The following PREP variants were observed in gnomAD, a reference collection of about 807,000 sequenced individuals.
PREP encodes prolyl endopeptidase, also known as dJ355L5.1 (prolyl endopeptidase).
Under a neutral mutation model 87.6 loss-of-function variants are expected in PREP, and 29 were observed. The ratio of observed to expected loss-of-function variants is 0.33; its 90% CI spans 0.25 to 0.45. PREP has a LOEUF of 0.45. Ranked by LOEUF, PREP falls within the 20% of genes least tolerant of loss-of-function variation. PREP has a pLI of 1.00. For missense variants in PREP, 695 were observed against 886.5 expected (o/e 0.78, Z 2.74); for synonymous variants, 337 against 328.6 (o/e 1.03, Z -0.28).
chr6:105,285,389 TGCTCCAAACCCCTTCA>T, intron 12 of PREP, 81 bp downstream of exon 12: 1 of 1,245,212 alleles, frequency 8.0e-7, no homozygotes, highest in Non-Finnish European at 1.1e-6. Context: ...AAAGCTTTCC[TGCTCCAAACCCCTTCA>T]GCTCATTCAA....
chr6:105,389,957 A>G (rs1773097655), intron 2 of PREP, among the ~76,000 whole-genome samples: 1 of 152,208 alleles, frequency 6.6e-6, no homozygotes, highest in Non-Finnish European at 1.5e-5. Context: ...GGCACCTGGG[A>G]AAGCAGACGT....
chr6:105,346,474 A>C (rs1186906395), intron 7 of PREP, among the ~76,000 whole-genome samples: 1 of 152,266 alleles, frequency 6.6e-6, no homozygotes, highest in Non-Finnish European at 1.5e-5. Flanking sequence ...CTTAAAATAA[A>C]AATATGGTAG....
chr6:105,384,745 C>T (rs556145554), intron 2 of PREP, among the ~76,000 whole-genome samples: 2 of 152,288 alleles, frequency 1.3e-5, no homozygotes, highest in East Asian at 3.9e-4. Context: ...CAACTTAAGA[C>T]ACTTGGGGCT....
intron 10 of PREP, among the ~76,000 whole-genome samples, chr6:105,304,510 A>G (rs1770612569): frequency 6.6e-6 from 1 of 152,180 alleles, no homozygotes; most frequent in South Asian, 2.1e-4. Context: ...CACTGTAAAA[A>G]GGAAATCAGC....
chr6:105,363,545 C>A (rs899061526), intron 6 of PREP, among the ~76,000 whole-genome samples: 15 of 152,146 alleles, frequency 9.9e-5, no homozygotes, highest in Admixed American at 5.2e-4. Flanking sequence ...CCCAGGGGCA[C>A]AAGGGAGCTC....
At chr6:105,367,449 G>A (rs368940661) in intron 6 of PREP, among the ~76,000 whole-genome samples, 2 of 152,178 alleles carry the variant, frequency 1.3e-5, no homozygotes, top group African/African-American at 4.8e-5. Flanking sequence ...CGAAGCGGGC[G>A]GATCACGAGG....
In PREP at chr6:105,302,500, G is replaced by A. The variant is rs1489608602; in HGVS notation, c.1318-13606C>T. 11 of 367,036 alleles carry A rather than the reference G, an allele frequency of 3.0e-5. 1 individual carries two copies. Among genetic ancestry groups the A allele is most frequent in the South Asian group, 2.0e-4 (8 of 40,796 alleles). The allele number at this position is 367,036 out of a possible 1,614,324, so 22.7% of individuals were successfully genotyped here. On this transcript the variant is annotated intron_variant, in intron 10 of 14. Coordinates refer to ENST00000652536, the MANE Select transcript of PREP (RefSeq NM_002726.5). ...TGCAGCGGGTACGGCCGCTCCTTCC[G>A]CGGCTGCTGCTTGGTCTTCAGGTTC...
intron 10 of PREP, among the ~76,000 whole-genome samples, chr6:105,319,200 A>G (rs939418655): frequency 6.6e-6 from 1 of 152,242 alleles, no homozygotes; most frequent in African/African-American, 2.4e-5. Context: ...CCAAATTCCT[A>G]TTAAGTATAA....
At chr6:105,284,837 A>T (rs1478760657) in intron 12 of PREP, among the ~76,000 whole-genome samples, 3 of 152,276 alleles carry the variant, frequency 2.0e-5, no homozygotes, top group Non-Finnish European at 4.4e-5. Flanking sequence ...CATTTGGGGT[A>T]TAAAGTTGGG....
intron 10 of PREP, among the ~76,000 whole-genome samples, chr6:105,291,428 A>G (rs1008971076): frequency 2.6e-5 from 4 of 152,220 alleles, no homozygotes; most frequent in African/African-American, 9.6e-5. Flanking sequence ...GGTGTTGCCA[A>G]AAGACATTAA....
rs116062436 is a variant in PREP at position 105,349,548 on chromosome 6, G to T, written c.823+3424C>A. Among the ~76,000 whole-genome samples the T allele has an allele frequency of 3.7e-3, 568 of 152,160 alleles. 2 individuals are homozygous for T. The highest frequency in any genetic ancestry group is 0.013 in the African/African-American group (554 of 41,526). On this transcript the variant is annotated intron_variant, in intron 7 of 14. Coordinates refer to ENST00000652536, the MANE Select transcript of PREP (RefSeq NM_002726.5). The stretch of plus-strand genomic sequence containing the variant: ...GGTTTTCTTGGGAGACACAGATGAT[G>T]GCAACGTGACATGAGCCACCCAAGT...
chr6:105,316,366 G>C (rs1201447), intron 10 of PREP, among the ~76,000 whole-genome samples: 1 of 152,022 alleles, frequency 6.6e-6, no homozygotes, highest in Non-Finnish European at 1.5e-5. Context: ...GCATTTTTCA[G>C]TTAAGTTCAC....
chr6:105,402,509 C>T (rs1773463128), intron 1 of PREP, among the ~76,000 whole-genome samples: 1 of 152,136 alleles, frequency 6.6e-6, no homozygotes, highest in Admixed American at 6.5e-5. Flanking sequence ...CAAGAGGCTT[C>T]GCCAGTCAAA....
At chr6:105,339,636 T>C (rs1023572341) in intron 7 of PREP, among the ~76,000 whole-genome samples, 1 of 152,020 alleles carries the variant, frequency 6.6e-6, no homozygotes, top group African/African-American at 2.4e-5. Context: ...GCTAAAAACC[T>C]TGAAAAAAGA....
intron 5 of PREP, 139 bp from the exon 6 acceptor site, chr6:105,369,163 T>A: frequency 1.3e-6 from 1 of 776,090 alleles, no homozygotes; most frequent in Non-Finnish European, 2.0e-6. Flanking sequence ...AATCAATTAC[T>A]TTCCTATATA....
intron 10 of PREP, among the ~76,000 whole-genome samples, chr6:105,294,951 G>A (rs182339134): frequency 3.8e-4 from 58 of 152,130 alleles, no homozygotes; most frequent in Non-Finnish European, 6.8e-4. Flanking sequence ...TACTAAATCC[G>A]GAACTCCTCT....
At chr6:105,371,054 A>G (rs1772527601) in intron 5 of PREP, among the ~76,000 whole-genome samples, 1 of 152,242 alleles carries the variant, frequency 6.6e-6, no homozygotes, top group African/African-American at 2.4e-5. Flanking sequence ...AGATTTACCA[A>G]TGAAAAACAA....
chr6:105,337,956 C>G (rs1308738573), intron 7 of PREP, among the ~76,000 whole-genome samples: 1 of 151,992 alleles, frequency 6.6e-6, no homozygotes, highest in African/African-American at 2.4e-5. Context: ...AGCAGGTGAT[C>G]CACTCAAAGG....
chr6:105,390,208 C>T (rs976220142), intron 2 of PREP, among the ~76,000 whole-genome samples: 10 of 152,074 alleles, frequency 6.6e-5, no homozygotes, highest in African/African-American at 2.4e-4. Context: ...GCAGGTGTAA[C>T]GGGGTCACTT....
Sources: allele counts gnomAD v4.1 joint callset (sites outside exome capture counted in the v4.1 genomes callset), GRCh38; gene constraint gnomAD v4.1.1; transcripts MANE v1.5; gene names NCBI Gene and HGNC (gene_info 2026-07-23, HGNC 2026-07-21).